The following BCL11B variants were observed in gnomAD, a reference collection of about 807,000 sequenced individuals.
BCL11B encodes B-cell lymphoma/leukemia 11B.
A neutral mutation model predicts 49.9 loss-of-function variants in BCL11B; 8 were observed. The ratio of observed to expected loss-of-function variants is 0.16; its 90% CI spans 0.09 to 0.29. BCL11B has a LOEUF of 0.29. Among genes scored for constraint, BCL11B ranks in the 10% least tolerant of loss-of-function variants. BCL11B has a pLI of 1.00. For synonymous variants in BCL11B, 739 were observed against 637.4 expected (o/e 1.16, Z -2.40); for missense variants, 1,006 against 1,351.0 (o/e 0.74, Z 4.00).
intron 2 of BCL11B, among the ~76,000 whole-genome samples, chr14:99,255,348 T>C (rs1889125887): frequency 1.6e-5 from 2 of 127,236 alleles, no homozygotes; most frequent in African/African-American, 6.2e-5. Context: ...AGGCCAAGAA[T>C]ATCTTTCGTC....
chr14:99,214,224 A>C (rs2139848798), intron 3 of BCL11B, among the ~76,000 whole-genome samples: 1 of 152,252 alleles, frequency 6.6e-6, no homozygotes, highest in East Asian at 1.9e-4. Flanking sequence ...CCTCCACTCC[A>C]GATTCCAATG....
chr14:99,209,503 C>G (rs1361462897), intron 3 of BCL11B, among the ~76,000 whole-genome samples: 1 of 152,050 alleles, frequency 6.6e-6, no homozygotes, highest in Non-Finnish European at 1.5e-5. Flanking sequence ...TGAGTAACAA[C>G]AGCTGCCAGG....
intron 3 of BCL11B, among the ~76,000 whole-genome samples, chr14:99,193,645 GC>G (rs1566803656): frequency 1.3e-5 from 2 of 152,040 alleles, no homozygotes; most frequent in Non-Finnish European, 2.9e-5. Flanking sequence ...AATGATTAAA[GC>G]CAAATCTAAG....
intron 1 of BCL11B, among the ~76,000 whole-genome samples, chr14:99,261,408 CTCTT>C (rs1238703949): frequency 1.3e-5 from 2 of 152,180 alleles, no homozygotes; most frequent in Admixed American, 1.3e-4. Flanking sequence ...AGTGACACCC[CTCTT>C]TCTCTGCCCT....
chr14:99,181,880 C>T (rs921305946), intron 3 of BCL11B, among the ~76,000 whole-genome samples: 1 of 152,190 alleles, frequency 6.6e-6, no homozygotes, highest in East Asian at 1.9e-4. Context: ...CCACTCAGTC[C>T]GCCTCCAGAA....
intron 3 of BCL11B, among the ~76,000 whole-genome samples, chr14:99,199,675 TGTGTGTGTGCGCGCGC>T (rs1378474397): frequency 1.2e-5 from 1 of 84,784 alleles, no homozygotes; most frequent in Non-Finnish European, 2.6e-5. Flanking sequence ...TGTGTGTGTG[TGTGTGTGTGCGCGCGC>T]GCGCGCACGT....
rs554485949 is a variant in BCL11B at position 99,212,836 on chromosome 14, A to T, written c.640+18509T>A. 2.0e-5 allele frequency among the ~76,000 whole-genome samples: 3 copies of T among 151,864 alleles called. No homozygotes were observed. The East Asian group carries it at 5.8e-4, about 30-fold the overall frequency. On this transcript the variant is annotated intron_variant, in intron 3 of 3. Transcript: ENST00000357195. ...GATCCCAGGGCCATGATGCTCTCCA[A>T]CCTCCCCCACCTGCTTGGCTCCCTT...
chr14:99,237,214 A>G (rs1362347494), intron 2 of BCL11B, among the ~76,000 whole-genome samples: 1 of 145,688 alleles, frequency 6.9e-6, no homozygotes, highest in Non-Finnish European at 1.5e-5. Flanking sequence ...CTCCACAGGT[A>G]TTATTTCATT....
chr14:99,244,109 C>T (rs61985737), intron 2 of BCL11B, among the ~76,000 whole-genome samples: 3,418 of 152,252 alleles, frequency 0.022, 63 homozygotes, highest in Non-Finnish European at 0.035. Flanking sequence ...GAACAAGAGC[C>T]TTCCACCACA....
Position 99,194,239 on chromosome 14 carries a change from C to G in BCL11B, c.641-18044G>C, listed in dbSNP as rs1398736383. On this transcript the variant is annotated intron_variant, in intron 3 of 3. Transcript: ENST00000357195. This position sits in a 1 kb window ranked among gnomAD's most constrained non-coding sequence, Gnocchi z 4.6. ...TCACAGCCCCAGCACAGAGCAAGTGCTGCTGGCCCCGGACTGTCCCCCAGC... is the reference window on the plus strand; with the variant it reads ...TCACAGCCCCAGCACAGAGCAAGTGGTGCTGGCCCCGGACTGTCCCCCAGC... Among the ~76,000 whole-genome samples the G allele has an allele frequency of 6.6e-6, 1 of 152,152 alleles. No individual in the cohort carries two copies.
intron 3 of BCL11B, among the ~76,000 whole-genome samples, chr14:99,218,734 TG>T (rs1887926135): frequency 1.3e-5 from 2 of 152,052 alleles, no homozygotes; most frequent in African/African-American, 2.4e-5. Context: ...TGGAGCCACC[TG>T]AAATAAGCTG....
At chr14:99,239,717 A>G (rs1211002320) in intron 2 of BCL11B, among the ~76,000 whole-genome samples, 1 of 152,104 alleles carries the variant, frequency 6.6e-6, no homozygotes, top group Admixed American at 6.5e-5. Context: ...GAATCCTGAC[A>G]CGTGTTAAGA....
At position 99,213,137 on chromosome 14, in the gene BCL11B, A is replaced by G. The variant is rs531714355; in HGVS notation, c.640+18208T>C. ...TTAAAACTCACATGAGCAGACAGAC[A>G]GGGAGGCTTTTCAGCTGGGCAGGAA... On this transcript the variant is annotated intron_variant, in intron 3 of 3. Coordinates refer to ENST00000357195, the MANE Select transcript of BCL11B (RefSeq NM_138576.4). The surrounding 1 kb of genome is among the most constrained non-coding windows in gnomAD (Gnocchi z 5.1). 6.6e-6 allele frequency among the ~76,000 whole-genome samples: 1 copy of G among 152,324 alleles called. No individual in the cohort carries two copies. Among genetic ancestry groups the G allele is most frequent in the East Asian group, 1.9e-4 (1 of 5,178 alleles).
chr14:99,271,318 G>A lies in BCL11B; in HGVS notation c.-100C>T. Reference sequence around the variant, plus strand: ...CCGCCGCGCCGCTGCCGCCGCTGCCGCCGCCGCCGCCGCCGCCGCACCTCC... The same window carrying A: ...CCGCCGCGCCGCTGCCGCCGCTGCCACCGCCGCCGCCGCCGCCGCACCTCC... On this transcript the variant is annotated 5_prime_UTR_variant, in exon 1 of 4. Transcript: ENST00000357195. 2.7e-6 allele frequency: 2 copies of A among 728,890 alleles called. No homozygotes were observed. The highest frequency in any genetic ancestry group is 3.7e-6 in the Non-Finnish European group (2 of 545,130). The allele number at this position is 728,890 out of a possible 1,614,324, so 45.2% of individuals were successfully genotyped here. A position where few individuals can be genotyped will look rare whatever the true frequency, so the allele number is the denominator to read the frequency against.
At chr14:99,222,823 ATTTC>A (rs1888048881) in intron 3 of BCL11B, among the ~76,000 whole-genome samples, 2 of 150,544 alleles carry the variant, frequency 1.3e-5, no homozygotes, top group Admixed American at 6.6e-5. Flanking sequence ...CAGCCCTTTA[ATTTC>A]TTTATTTCCC....
At chr14:99,209,293 C>G (rs1887622381) in intron 3 of BCL11B, among the ~76,000 whole-genome samples, 1 of 152,096 alleles carries the variant, frequency 6.6e-6, no homozygotes, top group African/African-American at 2.4e-5. Context: ...GCTCATAATC[C>G]TACTGGACCC....
chr14:99,181,737 G>A (rs969625273), intron 3 of BCL11B, among the ~76,000 whole-genome samples: 2 of 152,156 alleles, frequency 1.3e-5, no homozygotes, highest in African/African-American at 4.8e-5. Context: ...TGGGGACCTC[G>A]TGAGGTAGAC....
In BCL11B at chr14:99,213,060, G is replaced by C. The variant is rs562622971; in HGVS notation, c.640+18285C>G. Among the ~76,000 whole-genome samples the C allele has an allele frequency of 6.6e-6, 1 of 152,334 alleles. No homozygotes were observed. Among genetic ancestry groups the C allele is most frequent in the Admixed American group, 6.5e-5 (1 of 15,302 alleles). ...TGAGCAGGATGCCCACCAGGGGAGA[G>C]GGGACCCTAGACCCTGTGCCAGTGC... On this transcript the variant is annotated intron_variant, in intron 3 of 3. Transcript: ENST00000357195. This position sits in a 1 kb window ranked among gnomAD's most constrained non-coding sequence, Gnocchi z 5.1.
intron 2 of BCL11B, among the ~76,000 whole-genome samples, chr14:99,251,518 T>C (rs1469844123): frequency 6.6e-6 from 1 of 152,088 alleles, no homozygotes; most frequent in Non-Finnish European, 1.5e-5. Context: ...TTTGTATTTA[T>C]GGGGGAAAAG....
Sources: gnomAD v4.1 joint callset for allele counts (sites outside exome capture counted in the v4.1 genomes callset) on GRCh38, gnomAD v4.1.1 for gene constraint, Gnocchi (gnomAD v3.1) non-coding constraint, MANE v1.5 for transcripts, NCBI Gene and HGNC (gene_info 2026-07-23, HGNC 2026-07-21) for gene names.